The following PCBP3 variants were observed in gnomAD, a reference collection of about 807,000 sequenced individuals.
PCBP3 encodes the protein poly(rC)-binding protein 3.
Under a neutral mutation model 52.7 loss-of-function variants are expected in PCBP3, and 25 were observed. The ratio of observed to expected loss-of-function variants is 0.47; its 90% CI spans 0.35 to 0.66. The LOEUF (loss-of-function observed/expected upper bound fraction) is 0.66. Ranked by LOEUF, PCBP3 falls within the 30% of genes least tolerant of loss-of-function variation. PCBP3 has a pLI of 0.01. For missense variants in PCBP3, 391 were observed against 490.3 expected, an observed-to-expected ratio of 0.80 and a Z score of 1.91; for synonymous variants, 162 against 183.0, an observed-to-expected ratio of 0.89 and a Z score of 0.93.
At chr21:45,815,437 AG>A (rs1470669909) in intron 4 of PCBP3, among the ~76,000 whole-genome samples, 64 of 69,472 alleles carry the variant, frequency 9.2e-4, no homozygotes, top group African/African-American at 1.2e-3. Context: ...GTGAGTGGTG[AG>A]TCAGTGGTGA....
chr21:45,703,476 C>G (rs1167515096), intron 2 of PCBP3, among the ~76,000 whole-genome samples: 2 of 152,214 alleles, frequency 1.3e-5, no homozygotes, highest in Non-Finnish European at 2.9e-5. Flanking sequence ...GTGCATTGTT[C>G]ATGAGCAGTA....
rs1042475442 is a variant in PCBP3, at chr21:45,853,390, A to C, written c.10+3295A>C. On this transcript the variant is annotated intron_variant, in intron 5 of 17. Transcript: ENST00000681687. The surrounding 1 kb of genome is among the most constrained non-coding windows in gnomAD (Gnocchi z 4.6). ...GGGTGTCCAGGTTCTTGGCGTTTTG[A>C]AAAAATAATTGGACAAAACACACAA... Among the ~76,000 whole-genome samples, 3 of 152,128 alleles carry C rather than the reference A, an allele frequency of 2.0e-5. No homozygotes were observed. Among genetic ancestry groups the C allele is most frequent in the African/African-American group, 7.2e-5 (3 of 41,398 alleles).
chr21:45,732,518 T>TA (rs3030123), intron 2 of PCBP3, among the ~76,000 whole-genome samples: 1 of 151,734 alleles, frequency 6.6e-6, no homozygotes, highest in Non-Finnish European at 1.5e-5. Flanking sequence ...TTTTTTTTTT[T>TA]ACATAATTTG....
chr21:45,724,317 G>A lies in PCBP3; in HGVS notation c.-199-11075G>A, dbSNP rs766487813. Among the ~76,000 whole-genome samples, 7 of 146,016 alleles carry A rather than the reference G, an allele frequency of 4.8e-5. No individual in the cohort carries two copies. The highest frequency in any genetic ancestry group is 7.5e-5 in the Non-Finnish European group (5 of 66,392). ...GCTGTGACCCACCCCGCCCCCTCCC[G>A]GTGTTACCCTGAGTTATGAGAATGC... On this transcript the variant is annotated intron_variant, in intron 2 of 17. Coordinates refer to ENST00000681687, the MANE Select transcript of PCBP3 (RefSeq NM_001384156.1). The surrounding 1 kb of genome is among the most constrained non-coding windows in gnomAD (Gnocchi z 5.3).
At chr21:45,657,890 A>T (rs1015800902) in intron 1 of PCBP3, among the ~76,000 whole-genome samples, 9 of 152,220 alleles carry the variant, frequency 5.9e-5, no homozygotes, top group Non-Finnish European at 1.3e-4. Context: ...TCTAATCTGC[A>T]TGCCTTTTTA....
At chr21:45,848,559 G>A (rs1445323224) in intron 4 of PCBP3, among the ~76,000 whole-genome samples, 1 of 152,158 alleles carries the variant, frequency 6.6e-6, no homozygotes, top group Non-Finnish European at 1.5e-5. Context: ...CTCACACTCA[G>A]CTGAATCTCT....
Position 45,736,044 on chromosome 21 carries a change from T to C in PCBP3, c.-162+615T>C, listed in dbSNP as rs754424748. On this transcript the variant is annotated intron_variant, in intron 3 of 17. Coordinates refer to ENST00000681687, the MANE Select transcript of PCBP3 (RefSeq NM_001384156.1). This position sits in a 1 kb window ranked among gnomAD's most constrained non-coding sequence, Gnocchi z 4.6. ...AATTATCCTTAAGATGTCTTTCTTT[T>C]TCTAAAGCTTATTAAAGGTCATTTT... Among the ~76,000 whole-genome samples the C allele has an allele frequency of 1.3e-5, 2 of 152,262 alleles. No homozygotes were observed. The highest frequency in any genetic ancestry group is 2.9e-5 in the Non-Finnish European group (2 of 68,046).
In PCBP3 at chr21:45,827,712, T is replaced by G. The variant is rs1489956077; in HGVS notation, c.-125-22249T>G. ...CAGCCAAGCTGTTAATAAGCAGAAC[T>G]CAGGGTCCCAGGGAAGTCCAAGGAC... On this transcript the variant is annotated intron_variant, in intron 4 of 17. Coordinates refer to ENST00000681687, the MANE Select transcript of PCBP3 (RefSeq NM_001384156.1). This position sits in a 1 kb window ranked among gnomAD's most constrained non-coding sequence, Gnocchi z 4.3. Among the ~76,000 whole-genome samples the G allele has an allele frequency of 1.3e-5, 2 of 152,210 alleles. No individual in the cohort carries two copies. The highest frequency in any genetic ancestry group is 4.8e-5 in the African/African-American group (2 of 41,454).
intron 4 of PCBP3, among the ~76,000 whole-genome samples, chr21:45,766,278 G>C (rs1603406206): frequency 6.6e-6 from 1 of 152,246 alleles, no homozygotes; most frequent in East Asian, 1.9e-4. Flanking sequence ...GGACCGGATT[G>C]TGCCCCCAAG....
intron 1 of PCBP3, among the ~76,000 whole-genome samples, chr21:45,667,947 A>G (rs1240195561): frequency 6.6e-6 from 1 of 152,140 alleles, no homozygotes; most frequent in Non-Finnish European, 1.5e-5. Flanking sequence ...CTGTACTTGA[A>G]TAGTTTAGTG....
intron 12 of PCBP3, chr21:45,915,635 A>C (rs566787725): frequency 6.6e-6 from 1 of 152,204 alleles, no homozygotes; most frequent in Non-Finnish European, 1.5e-5. Flanking sequence ...CGCCCTCCCT[A>C]CTGCAGCAGG....
intron 2 of PCBP3, among the ~76,000 whole-genome samples, chr21:45,705,014 C>T (rs1312613758): frequency 6.6e-6 from 1 of 152,180 alleles, no homozygotes; most frequent in East Asian, 1.9e-4. Flanking sequence ...TGTGCTGATT[C>T]CAGAGTCTGT....
At chr21:45,870,311 A>G (rs1431477424) in intron 5 of PCBP3, among the ~76,000 whole-genome samples, 1 of 152,218 alleles carries the variant, frequency 6.6e-6, no homozygotes, top group Non-Finnish European at 1.5e-5. Flanking sequence ...AAATATTAAG[A>G]CGCTGAAAGA....
intron 5 of PCBP3, among the ~76,000 whole-genome samples, chr21:45,866,833 T>G (rs1051750928): frequency 6.7e-6 from 1 of 150,312 alleles, no homozygotes; most frequent in African/African-American, 2.4e-5. Flanking sequence ...CACCCCCGTC[T>G]GCATGTGCAC....
intron 5 of PCBP3, chr21:45,854,031 A>C (rs1351032206): frequency 2.0e-5 from 3 of 152,082 alleles, no homozygotes; most frequent in Non-Finnish European, 4.4e-5. Flanking sequence ...CGGGGGGGAC[A>C]AAAACGCAAA....
chr21:45,831,466 G>T (rs960145068), intron 4 of PCBP3, among the ~76,000 whole-genome samples: 3 of 148,600 alleles, frequency 2.0e-5, no homozygotes, highest in Admixed American at 6.7e-5. Context: ...ATTAATGGAA[G>T]AAAACATGAA....
chr21:45,792,282 C>T, intron 4 of PCBP3, among the ~76,000 whole-genome samples: 1 of 152,266 alleles, frequency 6.6e-6, no homozygotes, highest in East Asian at 1.9e-4. Context: ...GGCAAGAGAA[C>T]CGCTGGGGCA....
chr21:45,836,595 G>A (rs931858967), intron 4 of PCBP3, among the ~76,000 whole-genome samples: 5 of 151,676 alleles, frequency 3.3e-5, no homozygotes, highest in African/African-American at 7.3e-5. Flanking sequence ...CATATGACAC[G>A]TACGTAACGT....
At chr21:45,857,025 A>T (rs1305559350) in intron 5 of PCBP3, among the ~76,000 whole-genome samples, 1 of 152,200 alleles carries the variant, frequency 6.6e-6, no homozygotes, top group African/African-American at 2.4e-5. Flanking sequence ...CTGAAGTCTC[A>T]TAGTGGCTGT....
Sources: gnomAD v4.1 joint callset for allele counts (sites outside exome capture counted in the v4.1 genomes callset) on GRCh38, gnomAD v4.1.1 for gene constraint, Gnocchi (gnomAD v3.1) non-coding constraint, MANE v1.5 for transcripts, NCBI Gene and HGNC (gene_info 2026-07-23, HGNC 2026-07-21) for gene names.